PIEZO2: variants seen among roughly 807,000 people sequenced by gnomAD.
PIEZO2 encodes piezo-type mechanosensitive ion channel component 2.
In PIEZO2, 172 loss-of-function variants were observed where a neutral mutation model predicts 337.3. The observed-to-expected ratio is 0.51, with a 90% CI of 0.45 to 0.58. PIEZO2 has a LOEUF of 0.58. Among genes scored for constraint, PIEZO2 ranks in the 20% least tolerant of loss-of-function variants. PIEZO2 has a pLI of 0.00. For synonymous variants in PIEZO2, 1,251 were observed against 1,228.5 expected (o/e 1.02, Z -0.38); for missense variants, 3,028 against 3,391.3 (o/e 0.89, Z 2.66).
At chr18:10,881,438 C>T (rs114741492) in intron 4 of PIEZO2, among the ~76,000 whole-genome samples, 1,955 of 152,206 alleles carry the variant, frequency 0.013, 45 homozygotes, top group African/African-American at 0.044. Flanking sequence ...CTGGCCTTGG[C>T]GGAGGGCATT....
At chr18:10,955,548 T>C (rs890367729) in intron 3 of PIEZO2, among the ~76,000 whole-genome samples, 1 of 152,166 alleles carries the variant, frequency 6.6e-6, no homozygotes, top group African/African-American at 2.4e-5. Context: ...GCTTTGGAAG[T>C]AAACTGACCC....
Position 10,791,391 on chromosome 18 carries a change from T to C in PIEZO2, c.1759-67A>G, listed in dbSNP as rs762761744. ...TTGGAATGTAAAAACATTCAACAAATGTAACATTTTCTCCGCATTCCAGTG... is the reference window on the plus strand; with the variant it reads ...TTGGAATGTAAAAACATTCAACAAACGTAACATTTTCTCCGCATTCCAGTG... On this transcript the variant is annotated intron_variant, in intron 13 of 55. Coordinates refer to ENST00000674853, the MANE Select transcript of PIEZO2 (RefSeq NM_001378183.1). 5 of 1,401,526 alleles carry C rather than the reference T, an allele frequency of 3.6e-6. No individual in the cohort carries two copies. In the African/African-American group the frequency reaches 5.9e-5, roughly 16 times the overall value. 86.8% of individuals were successfully genotyped at this position (1,401,526 alleles called of 1,614,324 possible). A position where few individuals can be genotyped will look rare whatever the true frequency, so the allele number is the denominator to read the frequency against.
Position 10,888,786 on chromosome 18 carries a change from T to G in PIEZO2, c.330-17371A>C, listed in dbSNP as rs925410698. ...CCATCAGTGATTTGTTTAATGTAAC[T>G]AATTCCCAATCCATAGCAACTGCCA... On this transcript the variant is annotated intron_variant, in intron 4 of 55. Coordinates refer to ENST00000674853, the MANE Select transcript of PIEZO2 (RefSeq NM_001378183.1). This position sits in a 1 kb window ranked among gnomAD's most constrained non-coding sequence, Gnocchi z 4.1. Among the ~76,000 whole-genome samples, 4 of 152,008 alleles carry G rather than the reference T, an allele frequency of 2.6e-5. No individual in the cohort carries two copies. The highest frequency in any genetic ancestry group is 7.3e-5 in the African/African-American group (3 of 41,372).
chr18:11,074,365 T>C (rs1161939404), intron 1 of PIEZO2, among the ~76,000 whole-genome samples: 1 of 152,210 alleles, frequency 6.6e-6, no homozygotes, highest in Non-Finnish European at 1.5e-5. Context: ...GTCAATGTGT[T>C]TAAAGGAAAA....
At chr18:10,699,978 T>C (rs2035265953) in intron 43 of PIEZO2, among the ~76,000 whole-genome samples, 1 of 152,220 alleles carries the variant, frequency 6.6e-6, no homozygotes, top group Non-Finnish European at 1.5e-5. Context: ...CCGAGAATGA[T>C]CAATCCACCA....
chr18:10,767,005 C>T lies in PIEZO2; in HGVS notation c.2946+3143G>A, dbSNP rs889770461. On this transcript the variant is annotated intron_variant, in intron 21 of 55. Coordinates refer to ENST00000674853, the MANE Select transcript of PIEZO2 (RefSeq NM_001378183.1). This position sits in a 1 kb window ranked among gnomAD's most constrained non-coding sequence, Gnocchi z 4.2. ...CTTCCATTCCCTCCCCTCCCCTCCC[C>T]TCCCCTTCCCTCCCCTCCCCTTCCC... is the stretch of plus-strand genomic sequence containing the variant. Among the ~76,000 whole-genome samples the T allele has an allele frequency of 1.1e-4, 17 of 148,326 alleles. No individual in the cohort carries two copies. The highest frequency in any genetic ancestry group is 2.2e-4 in the African/African-American group (9 of 40,522).
intron 3 of PIEZO2, among the ~76,000 whole-genome samples, chr18:10,932,785 G>A (rs1475704026): frequency 6.6e-6 from 1 of 151,956 alleles, no homozygotes; most frequent in Non-Finnish European, 1.5e-5. Flanking sequence ...TTAGCCAGGT[G>A]TGATGGTGCA....
At chr18:11,089,120 T>C (rs751322074) in intron 1 of PIEZO2, among the ~76,000 whole-genome samples, 5 of 152,118 alleles carry the variant, frequency 3.3e-5, no homozygotes, top group Non-Finnish European at 5.9e-5. Flanking sequence ...GTCAGAATCT[T>C]TGGGGCGGTC....
At chr18:11,063,247 T>C (rs1221838752) in intron 2 of PIEZO2, among the ~76,000 whole-genome samples, 2 of 126,062 alleles carry the variant, frequency 1.6e-5, no homozygotes, top group Non-Finnish European at 3.1e-5. Flanking sequence ...CACATGGACA[T>C]AGGAAGGGGA....
At chr18:10,891,503 T>A (rs1386281666) in intron 4 of PIEZO2, among the ~76,000 whole-genome samples, 2 of 152,176 alleles carry the variant, frequency 1.3e-5, no homozygotes, top group African/African-American at 4.8e-5. Flanking sequence ...GAAAGACACA[T>A]GTTACATACA....
In PIEZO2 at chr18:10,953,036, A is replaced by G. The variant is rs910820972; in HGVS notation, c.286+26499T>C. Among the ~76,000 whole-genome samples, 1 of 152,068 alleles carries G rather than the reference A, an allele frequency of 6.6e-6. No homozygotes were observed. The highest frequency in any genetic ancestry group is 1.5e-5 in the Non-Finnish European group (1 of 68,012). On this transcript the variant is annotated intron_variant, in intron 3 of 55. Transcript: ENST00000674853. The surrounding 1 kb of genome is among the most constrained non-coding windows in gnomAD (Gnocchi z 5.2). Reference sequence around the variant, plus strand: ...TAATGTGTTTATTCATCATCTGTATATCTTCTTTGGTAAAGTGTCTATTCA... The same window carrying G: ...TAATGTGTTTATTCATCATCTGTATGTCTTCTTTGGTAAAGTGTCTATTCA...
intron 18 of PIEZO2, among the ~76,000 whole-genome samples, chr18:10,777,859 C>T (rs1271215887): frequency 6.6e-6 from 1 of 152,168 alleles, no homozygotes; most frequent in Non-Finnish European, 1.5e-5. Context: ...CTCAAAAGCA[C>T]TCTCAGAAGA....
rs529724808 is a variant in PIEZO2 at position 10,773,052 on chromosome 18, C to T, written c.2785+360G>A. Among the ~76,000 whole-genome samples, 17 of 152,268 alleles carry T rather than the reference C, an allele frequency of 1.1e-4. No homozygotes were observed. In the East Asian group the frequency reaches 1.5e-3, roughly 14 times the overall value. ...TTTCTTGAGAATGCATTTGTAAGGG[C>T]GATGTCTAGAGCCTTTGAGATTCTG... is the stretch of plus-strand genomic sequence containing the variant. On this transcript the variant is annotated intron_variant, in intron 20 of 55. Transcript: ENST00000674853. The surrounding 1 kb of genome is among the most constrained non-coding windows in gnomAD (Gnocchi z 5.3).
At position 10,746,675 on chromosome 18, in the gene PIEZO2, C is replaced by T. The variant is rs2037436178; in HGVS notation, c.4424+1796G>A. ...GTAGATTGAGTGGGAAAGCAGAGCCCTCATGAATGGGATTACTATCTTTAT... is the reference window on the plus strand; with the variant it reads ...GTAGATTGAGTGGGAAAGCAGAGCCTTCATGAATGGGATTACTATCTTTAT... On this transcript the variant is annotated intron_variant, in intron 30 of 55. Coordinates refer to ENST00000674853, the MANE Select transcript of PIEZO2 (RefSeq NM_001378183.1). The surrounding 1 kb of genome is among the most constrained non-coding windows in gnomAD (Gnocchi z 4.2). Among the ~76,000 whole-genome samples the T allele has an allele frequency of 6.6e-6, 1 of 152,144 alleles. No individual in the cohort carries two copies.
chr18:11,140,199 AGT>A (rs2040603955), intron 1 of PIEZO2, among the ~76,000 whole-genome samples: 1 of 152,108 alleles, frequency 6.6e-6, no homozygotes, highest in African/African-American at 2.4e-5. Flanking sequence ...TTCTGGTGAA[AGT>A]GTGTCCTCTG....
rs936189263 is a variant in PIEZO2 at position 11,070,941 on chromosome 18, C to A, written c.65-4719G>T. On this transcript the variant is annotated intron_variant, in intron 1 of 55. Transcript: ENST00000674853. This position sits in a 1 kb window ranked among gnomAD's most constrained non-coding sequence, Gnocchi z 4.3. ...ATCAAGAAGCACTAATCCCAGAATG[C>A]GGACAACAGGAGCATAGCACACTCC... is the stretch of plus-strand genomic sequence containing the variant. Among the ~76,000 whole-genome samples, 1 of 152,162 alleles carries A rather than the reference C, an allele frequency of 6.6e-6. No homozygotes were observed. Among genetic ancestry groups the A allele is most frequent in the African/African-American group, 2.4e-5 (1 of 41,496 alleles).
chr18:10,963,283 CAA>C (rs1249095060), intron 3 of PIEZO2, among the ~76,000 whole-genome samples: 4 of 135,816 alleles, frequency 2.9e-5, no homozygotes, highest in African/African-American at 2.7e-5. Flanking sequence ...GATGTTGTCT[CAA>C]AAAAAAAAAA....
At chr18:10,920,687 A>G (rs1419974838) in intron 3 of PIEZO2, among the ~76,000 whole-genome samples, 1 of 152,112 alleles carries the variant, frequency 6.6e-6, no homozygotes, top group Non-Finnish European at 1.5e-5. Context: ...CAATCATAGA[A>G]TCTGGGGGAA....
chr18:11,093,618 G>A (rs1304381221), intron 1 of PIEZO2, among the ~76,000 whole-genome samples: 1 of 113,796 alleles, frequency 8.8e-6, no homozygotes, highest in Non-Finnish European at 1.6e-5. Context: ...ACGGAGTCTC[G>A]CTCTGTCGCC....
Sources: gnomAD v4.1 joint callset for allele counts (sites outside exome capture counted in the v4.1 genomes callset) on GRCh38, gnomAD v4.1.1 for gene constraint, Gnocchi (gnomAD v3.1) non-coding constraint, MANE v1.5 for transcripts, NCBI Gene and HGNC (gene_info 2026-07-23, HGNC 2026-07-21) for gene names.